The following UBA2 variants were observed in gnomAD, a reference collection of about 807,000 sequenced individuals.
UBA2 encodes the protein SUMO-activating enzyme subunit 2.
UBA2 carries 11 observed loss-of-function variants against 77.2 expected under a neutral mutation model. That is an observed-to-expected ratio of 0.14 (90% confidence interval 0.09 to 0.24). The LOEUF (loss-of-function observed/expected upper bound fraction) is 0.24, where lower values mean the gene tolerates loss of function less well. Ranked by LOEUF, UBA2 falls within the 10% of genes least tolerant of loss-of-function variation. UBA2 has a pLI of 1.00. For missense variants in UBA2, 487 were observed against 781.7 expected, an observed-to-expected ratio of 0.62 and a Z score of 4.50; for synonymous variants, 278 against 276.7, an observed-to-expected ratio of 1.00 and a Z score of -0.05.
At chr19:34,440,874 C>T (rs928365440) in intron 6 of UBA2, among the ~76,000 whole-genome samples, 1 of 144,494 alleles carries the variant, frequency 6.9e-6, no homozygotes, top group African/African-American at 2.6e-5. Flanking sequence ...TGCAGTGAGC[C>T]GAGATCGCTC....
intron 4 of UBA2, among the ~76,000 whole-genome samples, chr19:34,434,340 T>C (rs2075287155): frequency 6.6e-6 from 1 of 152,174 alleles, no homozygotes; most frequent in African/African-American, 2.4e-5. Context: ...GGCCTCGAAC[T>C]CCTGGCTTCA....
chr19:34,452,486 CAT>C (rs774817880), intron 10 of UBA2, among the ~76,000 whole-genome samples: 26 of 152,154 alleles, frequency 1.7e-4, no homozygotes, highest in Non-Finnish European at 2.6e-4. Flanking sequence ...GAAAACATCT[CAT>C]TGGCCTGATT....
chr19:34,451,589 C>A (rs2075498708), intron 9 of UBA2, among the ~76,000 whole-genome samples: 1 of 140,826 alleles, frequency 7.1e-6, no homozygotes, highest in Admixed American at 7.5e-5. Context: ...GCTCTGTCGC[C>A]CAGGCTGGAG....
At chr19:34,439,922 G>A (rs971680808) in intron 6 of UBA2, among the ~76,000 whole-genome samples, 3 of 151,990 alleles carry the variant, frequency 2.0e-5, no homozygotes, top group Non-Finnish European at 2.9e-5. Flanking sequence ...AACTAAACGG[G>A]GAATACAGAT....
Position 34,437,900 on chromosome 19 carries a change from T to G in UBA2, c.460-745T>G, listed in dbSNP as rs745629916. Among the ~76,000 whole-genome samples the G allele has an allele frequency of 1.1e-4, 17 of 151,888 alleles. 1 individual carries two copies. Among genetic ancestry groups the G allele is most frequent in the Admixed American group, 5.2e-4 (8 of 15,252 alleles). On this transcript the variant is annotated intron_variant, in intron 5 of 16. Coordinates refer to ENST00000246548, the MANE Select transcript of UBA2 (RefSeq NM_005499.3). Reference sequence around the variant, plus strand: ...AAAAACCCCGTCTCTACTAAAAATATGAAAATTAGCTGGGAGTGGTGGGAG... The same window carrying G: ...AAAAACCCCGTCTCTACTAAAAATAGGAAAATTAGCTGGGAGTGGTGGGAG...
At chr19:34,442,368 G>A (rs76510368) in intron 6 of UBA2, among the ~76,000 whole-genome samples, 2,233 of 152,316 alleles carry the variant, frequency 0.015, 25 homozygotes, top group South Asian at 0.025. Context: ...ACCATAGTAA[G>A]CTACAGATGC....
At chr19:34,441,453 T>G (rs1024068952) in intron 6 of UBA2, among the ~76,000 whole-genome samples, 2 of 149,528 alleles carry the variant, frequency 1.3e-5, no homozygotes, top group Non-Finnish European at 3.0e-5. Context: ...ATACTCCGTC[T>G]CAAAAAAATA....
At chr19:34,438,458 G>A (rs1043086454) in intron 5 of UBA2, among the ~76,000 whole-genome samples, 187 bp from the exon 6 acceptor site, 18 of 152,182 alleles carry the variant, frequency 1.2e-4, no homozygotes, top group Non-Finnish European at 2.4e-4. Context: ...AGCTATGACT[G>A]GTAGATTCAG....
intron 5 of UBA2, among the ~76,000 whole-genome samples, chr19:34,437,241 T>A (rs1010574459): frequency 1.4e-5 from 2 of 146,812 alleles, no homozygotes; most frequent in East Asian, 4.3e-4. Context: ...GGATTACAGG[T>A]ATGAGCCACC....
At position 34,442,783 on chromosome 19, in the gene UBA2, A is replaced by G. The variant is rs896773573; in HGVS notation, c.582-1061A>G. Among the ~76,000 whole-genome samples, 36 of 152,216 alleles carry G rather than the reference A, an allele frequency of 2.4e-4. 1 individual carries two copies. The highest frequency in any genetic ancestry group is 7.5e-4 in the African/African-American group (31 of 41,458). On this transcript the variant is annotated intron_variant, in intron 6 of 16. Transcript: ENST00000246548. ...AAACCTGTTGTAAAGGTGAAAAATC[A>G]TTGGTGGACCATTTTAAATTAGCGG...
At chr19:34,443,441 CTTT>C (rs35696396) in intron 6 of UBA2, among the ~76,000 whole-genome samples, 112 of 132,214 alleles carry the variant, frequency 8.5e-4, no homozygotes, top group Middle Eastern at 4.1e-3. Context: ...CCGTTATTCA[CTTT>C]TTTTTTTTTT....
intron 13 of UBA2, 129 bp downstream of exon 13, chr19:34,459,053 T>G: frequency 9.7e-7 from 1 of 1,031,458 alleles, no homozygotes. Flanking sequence ...CCTGGGTTAT[T>G]TTGCCTTCTG....
chr19:34,456,113 T>C (rs1213307992), intron 12 of UBA2, among the ~76,000 whole-genome samples: 2 of 134,078 alleles, frequency 1.5e-5, no homozygotes, highest in Non-Finnish European at 3.2e-5. Context: ...TTTCTTTTTT[T>C]TTTTTTTTTT....
At chr19:34,428,622 G>T (rs2075214122) in intron 1 of UBA2, 52 bp downstream of exon 1, 1 of 1,150,042 alleles carries the variant, frequency 8.7e-7, no homozygotes, top group South Asian at 3.6e-5. Context: ...CGGGGGCTGG[G>T]ATTCGGGGGT....
chr19:34,436,403 G>A (rs544519252), intron 5 of UBA2, among the ~76,000 whole-genome samples: 5 of 152,176 alleles, frequency 3.3e-5, no homozygotes, highest in East Asian at 2.0e-4. Flanking sequence ...TGGTTCAAGC[G>A]ATTCTCCTGC....
rs2075209974 is a variant in UBA2 at position 34,428,425 on chromosome 19, G to A, written c.-8G>A. On this transcript the variant is annotated 5_prime_UTR_variant, in exon 1 of 17. Transcript: ENST00000246548. ...TCCGCCTCCGCCGCGGCTCGTGGTT[G>A]TCCCGCCATGGCACTGTCGCGGGGG... 2 of 1,258,174 alleles carry A rather than the reference G, an allele frequency of 1.6e-6. No homozygotes were observed. Among genetic ancestry groups the A allele is most frequent in the Non-Finnish European group, 2.0e-6 (2 of 1,000,066 alleles). The allele number at this position is 1,258,174 out of a possible 1,614,324, so 77.9% of individuals were successfully genotyped here.
chr19:34,438,905 A>T, intron 6 of UBA2, 139 bp downstream of exon 6: 1 of 1,213,944 alleles, frequency 8.2e-7, no homozygotes, highest in Non-Finnish European at 1.1e-6. Flanking sequence ...TTCTTGCAGT[A>T]TTTCTTAGGT....
At chr19:34,451,728 A>G (rs1374918747) in intron 9 of UBA2, among the ~76,000 whole-genome samples, 1 of 151,526 alleles carries the variant, frequency 6.6e-6, no homozygotes, top group Non-Finnish European at 1.5e-5. Flanking sequence ...TTGTATTTTT[A>G]GTAGAGACGG....
chr19:34,438,547 C>A, intron 5 of UBA2, 98 bp from the exon 6 acceptor site: 2 of 1,425,574 alleles, frequency 1.4e-6, no homozygotes, highest in Non-Finnish European at 1.9e-6. Flanking sequence ...CAACGTAAAA[C>A]GTAGTTGGAA....
Sources: allele counts gnomAD v4.1 joint callset (sites outside exome capture counted in the v4.1 genomes callset), GRCh38; gene constraint gnomAD v4.1.1; transcripts MANE v1.5; gene names NCBI Gene and HGNC (gene_info 2026-07-23, HGNC 2026-07-21).